The following BRIP1 variants were observed in gnomAD, a reference collection of about 807,000 sequenced individuals.
BRIP1 encodes the protein BRCA1 interacting DNA helicase 1, also known as Fanconi anemia group J protein.
A neutral mutation model predicts 119.7 loss-of-function variants in BRIP1; 88 were observed. The ratio of observed to expected loss-of-function variants is 0.74; its 90% CI spans 0.62 to 0.88. The LOEUF is 0.88. Among genes scored for constraint, BRIP1 ranks in the 40% least tolerant of loss-of-function variants. The pLI is 0.00. For synonymous variants in BRIP1, 443 were observed against 496.5 expected, an observed-to-expected ratio of 0.89 and a Z score of 1.43; for missense variants, 1,259 against 1,455.4, an observed-to-expected ratio of 0.87 and a Z score of 2.20.
intron 16 of BRIP1, among the ~76,000 whole-genome samples, chr17:61,737,839 A>C (rs571483994): frequency 1.3e-5 from 2 of 152,278 alleles, no homozygotes; most frequent in East Asian, 3.9e-4. Flanking sequence ...ATAGTTGAGG[A>C]CTTCTTTTTG....
At chr17:61,847,852 C>T (rs1431697259) in intron 5 of BRIP1, among the ~76,000 whole-genome samples, 1 of 152,102 alleles carries the variant, frequency 6.6e-6, no homozygotes, top group African/African-American at 2.4e-5. Context: ...AATCTCATTC[C>T]CGCCAAAAAT....
chr17:61,780,272 T>C lies in BRIP1; in HGVS notation c.1924A>G (p.Lys642Glu). The C allele has an allele frequency of 6.2e-7, 1 of 1,613,388 alleles. No individual in the cohort carries two copies. The highest frequency in any genetic ancestry group is 2.2e-5 in the East Asian group (1 of 44,848). ...AAACAACAACTAACCTGTGAATTTT[T>C]AATGATATGATTAGCCTCCAGCTGG... ...TIQLEANHIIKNSQVWVGTIG... is the reference protein window; with the variant it reads ...TIQLEANHIIENSQVWVGTIG... The change falls in exon 13 of 20, where the codon AAA (lysine) becomes GAA (glutamate). Residue 642 changes from lysine to glutamate, a missense_variant. Physicochemically the swap from Lys to Glu is moderately conservative, Grantham distance 56. Transcript: ENST00000259008. This position sits in a 1 kb window ranked among gnomAD's most constrained non-coding sequence, Gnocchi z 5.4.
intron 11 of BRIP1, among the ~76,000 whole-genome samples, chr17:61,781,210 A>C (rs2077615562): frequency 6.6e-6 from 1 of 152,222 alleles, no homozygotes; most frequent in Non-Finnish European, 1.5e-5. Context: ...ACTGATTCTC[A>C]GAGGGAATAT....
At chr17:61,694,032 C>G (rs1224385279) in intron 17 of BRIP1, among the ~76,000 whole-genome samples, 1 of 151,918 alleles carries the variant, frequency 6.6e-6, no homozygotes, top group African/African-American at 2.4e-5. Flanking sequence ...GTGTATTATT[C>G]TTTTTATAGA....
rs1486099780 is a variant in BRIP1 at position 61,748,428 on chromosome 17, A to G, written c.2098-3837T>C. 1.3e-5 allele frequency among the ~76,000 whole-genome samples: 2 copies of G among 152,206 alleles called. No homozygotes were observed. Among genetic ancestry groups the G allele is most frequent in the African/African-American group, 4.8e-5 (2 of 41,454 alleles). On this transcript the variant is annotated intron_variant, in intron 14 of 19. Transcript: ENST00000259008. This position sits in a 1 kb window ranked among gnomAD's most constrained non-coding sequence, Gnocchi z 4.7. ...CAAATGTAGATTCAATGTAACTCCT[A>G]TCAAAATCCCAATGACATTTTTTAC...
In BRIP1 at chr17:61,720,494, G is replaced by T. The variant is rs1177920520; in HGVS notation, c.2380-4431C>A. On this transcript the variant is annotated intron_variant, in intron 16 of 19. Coordinates refer to ENST00000259008, the MANE Select transcript of BRIP1 (RefSeq NM_032043.3). This position sits in a 1 kb window ranked among gnomAD's most constrained non-coding sequence, Gnocchi z 4.3. ...CAGCAGTTCCCTCTTATCTGCAGTG[G>T]TTTAAGTTAACTGCGGTCAACTGTG... is the stretch of plus-strand genomic sequence containing the variant. Among the ~76,000 whole-genome samples the T allele has an allele frequency of 6.6e-6, 1 of 152,148 alleles. No individual in the cohort carries two copies. Among genetic ancestry groups the T allele is most frequent in the Non-Finnish European group, 1.5e-5 (1 of 68,032 alleles).
chr17:61,828,846 G>C lies in BRIP1; in HGVS notation c.627+18255C>G, dbSNP rs936898374. ...GACAAAAATGGCACAAAACATGGGA[G>C]AGTAGACACGGAAGTATATTGGCAG... On this transcript the variant is annotated intron_variant, in intron 6 of 19. Transcript: ENST00000259008. This position sits in a 1 kb window ranked among gnomAD's most constrained non-coding sequence, Gnocchi z 4.1. Among the ~76,000 whole-genome samples the C allele has an allele frequency of 6.6e-6, 1 of 152,164 alleles. No homozygotes were observed. Among genetic ancestry groups the C allele is most frequent in the Admixed American group, 6.5e-5 (1 of 15,274 alleles).
chr17:61,818,835 A>C (rs983858146), intron 6 of BRIP1, among the ~76,000 whole-genome samples: 1 of 152,206 alleles, frequency 6.6e-6, no homozygotes, highest in African/African-American at 2.4e-5. Flanking sequence ...AACATCACTG[A>C]TCATCAGAGA....
chr17:61,766,810 T>C (rs1438330138), intron 14 of BRIP1, among the ~76,000 whole-genome samples: 1 of 152,096 alleles, frequency 6.6e-6, no homozygotes, highest in Non-Finnish European at 1.5e-5. Flanking sequence ...AATAAAAAGA[T>C]CCAACTTGTT....
rs763032225 is a variant in BRIP1 at position 61,774,672 on chromosome 17, GCAAT to G, written c.2097+1725_2097+1728del. On this transcript the variant is annotated intron_variant, in intron 14 of 19. Coordinates refer to ENST00000259008, the MANE Select transcript of BRIP1 (RefSeq NM_032043.3). This position sits in a 1 kb window ranked among gnomAD's most constrained non-coding sequence, Gnocchi z 5.8. The stretch of plus-strand genomic sequence containing the variant: ...AAAAACCTGCAGAACAATTAATTTC[GCAAT>G]CAAAGAAATAAACTCAATTGGAACA... 6.6e-6 allele frequency among the ~76,000 whole-genome samples: 1 copy of G among 151,912 alleles called. No individual in the cohort carries two copies. The highest frequency in any genetic ancestry group is 2.4e-5 in the African/African-American group (1 of 41,372).
intron 5 of BRIP1, among the ~76,000 whole-genome samples, chr17:61,847,872 A>T (rs1253132945): frequency 6.6e-6 from 1 of 152,234 alleles, no homozygotes; most frequent in Admixed American, 6.5e-5. Flanking sequence ...TGAAATGAGA[A>T]CCAGTGAAGT....
intron 6 of BRIP1, among the ~76,000 whole-genome samples, chr17:61,819,185 CAAAAA>C (rs3034662): frequency 7.4e-6 from 1 of 135,920 alleles, no homozygotes; most frequent in African/African-American, 2.7e-5. Context: ...GAATTTGTCT[CAAAAA>C]AAAAAAAAAA....
rs553743264 is a variant in BRIP1, at chr17:61,848,941, G to A, written c.507+188C>T. The stretch of plus-strand genomic sequence containing the variant: ...AGTTTCACTTGAACGACATGTTACT[G>A]TGAATAATCTGCTATAATAAACTCC... On this transcript the variant is annotated intron_variant, in intron 5 of 19. Coordinates refer to ENST00000259008, the MANE Select transcript of BRIP1 (RefSeq NM_032043.3). This position sits in a 1 kb window ranked among gnomAD's most constrained non-coding sequence, Gnocchi z 4.3. Among the ~76,000 whole-genome samples the A allele has an allele frequency of 9.2e-4, 140 of 152,274 alleles. 2 individuals carry two copies. Among genetic ancestry groups the A allele is most frequent in the African/African-American group, 3.3e-3 (139 of 41,562 alleles).
chr17:61,801,072 T>C lies in BRIP1; in HGVS notation c.1140+181A>G, dbSNP rs181682617. 6.5e-4 allele frequency among the ~76,000 whole-genome samples: 99 copies of C among 152,312 alleles called. No individual in the cohort carries two copies. The East Asian group carries it at 8.9e-3, about 14-fold the overall frequency. ...TTAAAACTGCTTGTTATTTTGGAAATTAAAATGAGTGGGTTGATTTTAACC... is the reference window on the plus strand; with the variant it reads ...TTAAAACTGCTTGTTATTTTGGAAACTAAAATGAGTGGGTTGATTTTAACC... On this transcript the variant is annotated intron_variant, in intron 8 of 19. Transcript: ENST00000259008.
At chr17:61,855,819 C>T (rs1251026008) in intron 4 of BRIP1, among the ~76,000 whole-genome samples, 1 of 151,998 alleles carries the variant, frequency 6.6e-6, no homozygotes, top group African/African-American at 2.4e-5. Context: ...TATTCCTAAC[C>T]TCATGAAGTA....
In BRIP1 at chr17:61,689,006, T is replaced by C. The variant is rs1234962813; in HGVS notation, c.2576-2841A>G. ...TCAGGAAATTTATTTTATTTTACTT[T>C]ATTTTATATATTTTATATTCTGTTA... On this transcript the variant is annotated intron_variant, in intron 18 of 19. Transcript: ENST00000259008. The surrounding 1 kb of genome is among the most constrained non-coding windows in gnomAD (Gnocchi z 4.5). 1.9e-5 allele frequency among the ~76,000 whole-genome samples: 1 copy of C among 53,126 alleles called. No individual in the cohort carries two copies. Among genetic ancestry groups the C allele is most frequent in the Admixed American group, 2.3e-4 (1 of 4,320 alleles). The allele number at this position is 53,126 out of a possible 152,430, so 34.9% of individuals were successfully genotyped here.
At position 61,848,999 on chromosome 17, in the gene BRIP1, C is replaced by T. The variant is rs777130132; in HGVS notation, c.507+130G>A. On this transcript the variant is annotated intron_variant, in intron 5 of 19. Transcript: ENST00000259008. This position sits in a 1 kb window ranked among gnomAD's most constrained non-coding sequence, Gnocchi z 4.3. ...CAAGTAACTCTACAAAATGAAATTACAACAAATTATTAATTTATGGCTGTC... is the reference window on the plus strand; with the variant it reads ...CAAGTAACTCTACAAAATGAAATTATAACAAATTATTAATTTATGGCTGTC... 342 of 1,045,192 alleles carry T rather than the reference C, an allele frequency of 3.3e-4. No individual in the cohort carries two copies. The highest frequency in any genetic ancestry group is 4.7e-4 in the Non-Finnish European group (326 of 691,246). The allele number at this position is 1,045,192 out of a possible 1,614,324, so 64.7% of individuals were successfully genotyped here.
In BRIP1 at chr17:61,849,174, A is replaced by G. The variant is rs1555616156; in HGVS notation, c.462T>C (p.Phe154=). ...ASIYRDENDD[F]QVEKKRIRPL... ...GTCGAATTCTTTTCTTCTCTACTTG[A>G]AAATCATCATTTTCATCTCTGTATA... The change falls in exon 5 of 20, where the codon TTT becomes TTC. Residue 154 remains phenylalanine (F), a synonymous_variant. Transcript: ENST00000259008. 1 of 1,613,526 alleles carries G rather than the reference A, an allele frequency of 6.2e-7. No homozygotes were observed.
intron 14 of BRIP1, among the ~76,000 whole-genome samples, chr17:61,773,625 A>G (rs2077491371): frequency 6.6e-6 from 1 of 152,122 alleles, no homozygotes; most frequent in Non-Finnish European, 1.5e-5. Flanking sequence ...TGAACAGCCT[A>G]CAGAACATTC....
Sources: gnomAD v4.1 joint callset for allele counts (sites outside exome capture counted in the v4.1 genomes callset) on GRCh38, gnomAD v4.1.1 for gene constraint, Gnocchi (gnomAD v3.1) non-coding constraint, MANE v1.5 for transcripts, NCBI Gene and HGNC (gene_info 2026-07-23, HGNC 2026-07-21) for gene names.